The following CNTN4 variants were observed in gnomAD, a reference collection of about 807,000 sequenced individuals.
CNTN4 encodes the protein contactin 4, also known as contactin-4.
CNTN4 carries 77 observed loss-of-function variants against 122.5 expected under a neutral mutation model. The observed-to-expected ratio is 0.63, with a 90% CI of 0.52 to 0.76. CNTN4 has a LOEUF of 0.76. CNTN4 is among the 30% of genes least tolerant of loss of function. CNTN4 has a pLI of 0.00. For missense variants in CNTN4, 1,256 were observed against 1,259.1 expected (o/e 1.00, Z 0.04); for synonymous variants, 512 against 447.0 (o/e 1.15, Z -1.83).
chr3:2,624,530 T>C (rs1171592561), intron 4 of CNTN4, among the ~76,000 whole-genome samples: 1 of 151,844 alleles, frequency 6.6e-6, no homozygotes, highest in Non-Finnish European at 1.5e-5. Context: ...TTCAGATTAA[T>C]CAGTGCTAAT....
chr3:2,208,462 A>T (rs749140685), intron 2 of CNTN4, among the ~76,000 whole-genome samples: 2 of 152,162 alleles, frequency 1.3e-5, no homozygotes, highest in African/African-American at 4.8e-5. Flanking sequence ...ATGGATGAGC[A>T]AACAAAGTGA....
intron 4 of CNTN4, among the ~76,000 whole-genome samples, chr3:2,711,243 A>G (rs2087131034): frequency 6.6e-6 from 1 of 152,166 alleles, no homozygotes; most frequent in Non-Finnish European, 1.5e-5. Context: ...ATAGACAGTG[A>G]TGGAGACTCG....
intron 6 of CNTN4, among the ~76,000 whole-genome samples, chr3:2,759,892 G>A (rs2090510608): frequency 6.6e-6 from 1 of 152,266 alleles, no homozygotes; most frequent in Admixed American, 6.5e-5. Flanking sequence ...GTGATGTGAT[G>A]TCTCATGTGG....
At chr3:2,144,642 A>G (rs1391936819) in intron 2 of CNTN4, among the ~76,000 whole-genome samples, 3 of 152,174 alleles carry the variant, frequency 2.0e-5, no homozygotes, top group African/African-American at 7.2e-5. Context: ...GACTTGTATT[A>G]TACTCATCCC....
At chr3:2,741,733 C>T (rs1251712131) in intron 5 of CNTN4, among the ~76,000 whole-genome samples, 4 of 152,176 alleles carry the variant, frequency 2.6e-5, no homozygotes, top group Non-Finnish European at 5.9e-5. Flanking sequence ...AGATGTTAGC[C>T]GTAAATGAAA....
Position 2,696,002 on chromosome 3 carries a change from A to G in CNTN4, c.56-40213A>G, listed in dbSNP as rs187120719. Among the ~76,000 whole-genome samples, 179 of 152,278 alleles carry G rather than the reference A, an allele frequency of 1.2e-3. 1 individual carries two copies. Among genetic ancestry groups the G allele is most frequent in the Middle Eastern group, 3.4e-3 (1 of 294 alleles). On this transcript the variant is annotated intron_variant, in intron 4 of 24. Coordinates refer to ENST00000418658, the MANE Select transcript of CNTN4 (RefSeq NM_175607.3). ...TGGCAGAAAATAGGGCTTGTGAGGT[A>G]TGTATGTATATACACATGTATGCAT... is the stretch of plus-strand genomic sequence containing the variant.
intron 3 of CNTN4, among the ~76,000 whole-genome samples, chr3:2,398,549 A>C (rs995150449): frequency 6.6e-6 from 1 of 152,158 alleles, no homozygotes; most frequent in Non-Finnish European, 1.5e-5. Context: ...GCTATGTAGA[A>C]GTAAGTTTAC....
chr3:2,550,587 A>G (rs2078456855), intron 3 of CNTN4, among the ~76,000 whole-genome samples: 1 of 152,120 alleles, frequency 6.6e-6, no homozygotes, highest in Non-Finnish European at 1.5e-5. Context: ...TGACCCAGCA[A>G]CCCCATTACT....
chr3:2,207,688 G>C (rs1267052379), intron 2 of CNTN4, among the ~76,000 whole-genome samples: 1 of 152,126 alleles, frequency 6.6e-6, no homozygotes, highest in Non-Finnish European at 1.5e-5. Flanking sequence ...TGATGTAGAA[G>C]CTGCAGAAAT....
intron 4 of CNTN4, among the ~76,000 whole-genome samples, chr3:2,638,314 T>C (rs908990986): frequency 2.0e-5 from 3 of 152,158 alleles, no homozygotes; most frequent in Non-Finnish European, 1.5e-5. Flanking sequence ...TTTCATGTGA[T>C]TCAGTGTTGT....
At chr3:2,919,942 T>C (rs1481787552) in intron 12 of CNTN4, among the ~76,000 whole-genome samples, 1 of 152,128 alleles carries the variant, frequency 6.6e-6, no homozygotes, top group African/African-American at 2.4e-5. Flanking sequence ...CCTCCACCTA[T>C]GTTTATGTAA....
chr3:2,188,146 T>C (rs905059039), intron 2 of CNTN4, among the ~76,000 whole-genome samples: 26 of 152,278 alleles, frequency 1.7e-4, no homozygotes, highest in African/African-American at 6.3e-4. Context: ...ATTTTCTGCA[T>C]CTTCTAAGTA....
intron 2 of CNTN4, among the ~76,000 whole-genome samples, chr3:2,234,762 TTC>T (rs1172781163): frequency 6.6e-6 from 1 of 152,168 alleles, no homozygotes; most frequent in Non-Finnish European, 1.5e-5. Context: ...AAGAGCATAT[TTC>T]TCTTTTACTT....
At chr3:2,542,207 G>T (rs1284357157) in intron 3 of CNTN4, among the ~76,000 whole-genome samples, 1 of 152,120 alleles carries the variant, frequency 6.6e-6, no homozygotes, top group Admixed American at 6.6e-5. Context: ...CTAGAAGTAA[G>T]ACTGACTGTG....
At chr3:2,423,801 A>T (rs1208885875) in intron 3 of CNTN4, among the ~76,000 whole-genome samples, 1 of 151,856 alleles carries the variant, frequency 6.6e-6, no homozygotes, top group African/African-American at 2.4e-5. Context: ...CCATACATAA[A>T]TTCTGTCAAG....
intron 2 of CNTN4, among the ~76,000 whole-genome samples, chr3:2,244,215 A>T (rs1388758267): frequency 1.3e-5 from 2 of 149,140 alleles, no homozygotes; most frequent in African/African-American, 4.9e-5. Context: ...ACTGTAATAA[A>T]AAAAATCTAT....
At chr3:2,953,418 C>T (rs144099988) in intron 13 of CNTN4, among the ~76,000 whole-genome samples, 5 of 151,718 alleles carry the variant, frequency 3.3e-5, no homozygotes, top group Non-Finnish European at 7.4e-5. Flanking sequence ...CATCCAGGAC[C>T]GCATAGGCCC....
intron 3 of CNTN4, among the ~76,000 whole-genome samples, chr3:2,459,035 A>G (rs2049105173): frequency 1.3e-5 from 2 of 152,188 alleles, no homozygotes; most frequent in African/African-American, 4.8e-5. Flanking sequence ...AAGTGTCAGC[A>G]TCAGATTTCC....
intron 3 of CNTN4, among the ~76,000 whole-genome samples, chr3:2,464,990 A>G (rs1452948487): frequency 6.6e-6 from 1 of 152,200 alleles, no homozygotes; most frequent in Non-Finnish European, 1.5e-5. Flanking sequence ...TATAAACTAT[A>G]TACTAAGCAC....
Sources: allele counts gnomAD v4.1 joint callset (sites outside exome capture counted in the v4.1 genomes callset), GRCh38; gene constraint gnomAD v4.1.1; transcripts MANE v1.5; gene names NCBI Gene and HGNC (gene_info 2026-07-23, HGNC 2026-07-21).